CPS1: variants seen among roughly 807,000 people sequenced by gnomAD.
The protein encoded by CPS1 is carbamoyl-phosphate synthase [ammonia], mitochondrial.
In CPS1, 109 loss-of-function variants were observed where a neutral mutation model predicts 174.6. The ratio of observed to expected loss-of-function variants is 0.62; its 90% CI spans 0.53 to 0.73. The LOEUF (loss-of-function observed/expected upper bound fraction) is 0.73, where lower values mean the gene tolerates loss of function less well. CPS1 is among the 30% of genes least tolerant of loss of function. The pLI is 0.00. For synonymous variants in CPS1, 637 were observed against 632.0 expected, an observed-to-expected ratio of 1.01 and a Z score of -0.12; for missense variants, 1,689 against 1,821.9, an observed-to-expected ratio of 0.93 and a Z score of 1.33.
At chr2:210,561,598 C>T (rs1441913545) in intron 1 of CPS1, among the ~76,000 whole-genome samples, 1 of 152,166 alleles carries the variant, frequency 6.6e-6, no homozygotes, top group Non-Finnish European at 1.5e-5. Context: ...TGCTAGAATT[C>T]ACTTCAAGCC....
At position 210,616,436 on chromosome 2, in the gene CPS1, A is replaced by G. The variant is rs760971988; in HGVS notation, c.2582A>G (p.Asn861Ser). 3.7e-6 allele frequency: 6 copies of G among 1,610,668 alleles called. No homozygotes were observed. In the Admixed American group the frequency reaches 6.7e-5, roughly 18 times the overall value. The stretch of plus-strand genomic sequence containing the variant: ...TCCTCTTGGCAGGCCATTGATGACA[A>G]CATGTCCCTTGATGAGATTGAGAAG... ...IYAIAKAIDDNMSLDEIEKLT... is the reference protein window; with the variant it reads ...IYAIAKAIDDSMSLDEIEKLT... Residue 861 changes from asparagine (N) to serine (S), a missense_variant, in exon 21 of 38, where the codon AAC (asparagine) becomes AGC (serine). Physicochemically the swap from Asn to Ser is conservative, Grantham distance 46 (BLOSUM62 1). Coordinates refer to ENST00000233072, the MANE Select transcript of CPS1 (RefSeq NM_001875.5).
At chr2:210,594,707 A>G (rs1012264473) in intron 12 of CPS1, 101 bp downstream of exon 12, 20 of 794,324 alleles carry the variant, frequency 2.5e-5, no homozygotes, top group Non-Finnish European at 3.5e-5. Flanking sequence ...AGTGTTTAAT[A>G]AAAGATGACT....
intron 32 of CPS1, among the ~76,000 whole-genome samples, chr2:210,662,283 A>G (rs1031596395): frequency 1.3e-5 from 2 of 152,030 alleles, no homozygotes; most frequent in African/African-American, 4.8e-5. Context: ...TTTTCAAATT[A>G]CTTAGTAATT....
At chr2:210,563,697 A>G (rs565692638) in intron 1 of CPS1, among the ~76,000 whole-genome samples, 130 of 152,336 alleles carry the variant, frequency 8.5e-4, no homozygotes, top group African/African-American at 3.1e-3. Context: ...TTAATAACAT[A>G]ATACTGAATG....
At chr2:210,486,115 T>TAC (rs60740361) in intron 1 of CPS1, among the ~76,000 whole-genome samples, 3,105 of 135,576 alleles carry the variant, frequency 0.023, 52 homozygotes, top group East Asian at 0.053. Flanking sequence ...CACACACACA[T>TAC]ACACACACAC....
chr2:210,522,841 C>A (rs1695864456), intron 1 of CPS1, among the ~76,000 whole-genome samples: 1 of 151,896 alleles, frequency 6.6e-6, no homozygotes, highest in African/African-American at 2.4e-5. Flanking sequence ...TTCTTATGAG[C>A]AGGTAAAAGT....
intron 1 of CPS1, among the ~76,000 whole-genome samples, chr2:210,529,055 G>A (rs764181330): frequency 3.3e-5 from 5 of 151,760 alleles, no homozygotes; most frequent in Non-Finnish European, 7.4e-5. Flanking sequence ...AGATGTCCCC[G>A]TTAAGATTTT....
At chr2:210,667,106 C>A (rs911957148) in intron 33 of CPS1, among the ~76,000 whole-genome samples, 1 of 151,896 alleles carries the variant, frequency 6.6e-6, no homozygotes, top group Admixed American at 6.6e-5. Context: ...ATGGGAGTTC[C>A]CTCATGATTT....
intron 5 of CPS1, among the ~76,000 whole-genome samples, chr2:210,580,199 T>C (rs1697873210): frequency 6.6e-6 from 1 of 152,308 alleles, no homozygotes; most frequent in Non-Finnish European, 1.5e-5. Flanking sequence ...GTTATTTGTT[T>C]TGTCCTTGTG....
At chr2:210,613,899 T>C (rs1699216783) in intron 20 of CPS1, among the ~76,000 whole-genome samples, 2 of 151,928 alleles carry the variant, frequency 1.3e-5, no homozygotes, top group African/African-American at 2.4e-5. Context: ...GAGGTCATCA[T>C]TACTGTTCAT....
At chr2:210,523,374 A>G (rs138141727) in intron 1 of CPS1, among the ~76,000 whole-genome samples, 75 of 152,094 alleles carry the variant, frequency 4.9e-4, no homozygotes, top group Non-Finnish European at 9.4e-4. Context: ...TTTTTTGTAT[A>G]ATGTATTTTG....
chr2:210,559,658 A>C (rs748253562), intron 1 of CPS1, among the ~76,000 whole-genome samples: 37 of 152,180 alleles, frequency 2.4e-4, no homozygotes, highest in Non-Finnish European at 3.7e-4. Context: ...TATTACATTC[A>C]GCAGGCTGTA....
rs1292435745 is a variant in CPS1 at position 210,599,542 on chromosome 2, C to A, written c.1530C>A (p.Gly510=). ...QPDGLILGMG[G]QTALNCGVEL... ...ATGGGTTAATTCTGGGCATGGGTGG[C>A]CAGACAGCTCTGAACTGTGGTGAGT... is the stretch of plus-strand genomic sequence containing the variant. The change falls in exon 14 of 38, where the codon GGC becomes GGA. Residue 510 remains glycine (G), a synonymous_variant. Transcript: ENST00000233072. 1 of 1,612,238 alleles carries A rather than the reference C, an allele frequency of 6.2e-7. No individual in the cohort carries two copies. Among genetic ancestry groups the A allele is most frequent in the Admixed American group, 1.7e-5 (1 of 59,802 alleles).
At chr2:210,664,565 C>G (rs1001221619) in intron 33 of CPS1, among the ~76,000 whole-genome samples, 2 of 152,132 alleles carry the variant, frequency 1.3e-5, no homozygotes, top group African/African-American at 4.8e-5. Flanking sequence ...TCTCGAACTC[C>G]TGACCTCAGG....
chr2:210,542,745 C>G (rs372704373), intron 1 of CPS1, among the ~76,000 whole-genome samples: 2 of 152,054 alleles, frequency 1.3e-5, no homozygotes, highest in Admixed American at 6.6e-5. Context: ...AAACAACAAA[C>G]GAAACCCTTC....
At chr2:210,641,360 A>C (rs1356016940) in intron 24 of CPS1, among the ~76,000 whole-genome samples, 1 of 152,120 alleles carries the variant, frequency 6.6e-6, no homozygotes, top group African/African-American at 2.4e-5. Flanking sequence ...TTCTGGACTC[A>C]AGCGATCCTC....
intron 21 of CPS1, 86 bp from the exon 22 acceptor site, chr2:210,637,616 C>G (rs1162543839): frequency 1.5e-5 from 20 of 1,352,568 alleles, no homozygotes; most frequent in Non-Finnish European, 2.1e-5. Context: ...AAATAAGAAG[C>G]CCTTGGTGTT....
intron 1 of CPS1, among the ~76,000 whole-genome samples, chr2:210,565,329 A>G (rs1697266948): frequency 1.3e-5 from 2 of 152,152 alleles, no homozygotes; most frequent in South Asian, 4.2e-4. Flanking sequence ...AGAGAACACA[A>G]TTTTTCACCG....
In CPS1 at chr2:210,678,426, AT is replaced by A; in HGVS notation, c.*442del. 5.0e-6 allele frequency: 1 copy of A among 198,678 alleles called. No homozygotes were observed. Among genetic ancestry groups the A allele is most frequent in the South Asian group, 8.7e-5 (1 of 11,530 alleles). The allele number at this position is 198,678 out of a possible 1,614,324, so 12.3% of individuals were successfully genotyped here. A position where few individuals can be genotyped will look rare whatever the true frequency, so the allele number is the denominator to read the frequency against. ...TACTCTAAAAACTTGATAAAATTAA[AT>A]ATAGATTTAATTTATGAACCTTCCA... On this transcript the variant is annotated 3_prime_UTR_variant, in exon 38 of 38. Transcript: ENST00000233072.
Sources: gnomAD v4.1 joint callset for allele counts (sites outside exome capture counted in the v4.1 genomes callset) on GRCh38, gnomAD v4.1.1 for gene constraint, MANE v1.5 for transcripts, NCBI Gene and HGNC (gene_info 2026-07-23, HGNC 2026-07-21) for gene names.